The following NALF1 variants were observed in gnomAD, a reference collection of about 807,000 sequenced individuals.
NALF1 encodes the protein NALCN channel auxiliary factor 1.
Under a neutral mutation model 48.4 loss-of-function variants are expected in NALF1, and 3 were observed. The observed-to-expected ratio is 0.06, with a 90% CI of 0.03 to 0.16. The LOEUF is 0.16. Among genes scored for constraint, NALF1 ranks in the 10% least tolerant of loss-of-function variants. The probability of loss-of-function intolerance (pLI) is 1.00; values close to 1 mark genes in which losing one functional copy is unlikely to be tolerated. For synonymous variants in NALF1, 262 were observed against 245.7 expected (o/e 1.07, Z -0.62); for missense variants, 526 against 571.5 (o/e 0.92, Z 0.81).
rs1170217911 is a variant in NALF1 at position 107,272,300 on chromosome 13, C to T, written c.916-61545G>A. Among the ~76,000 whole-genome samples, 68 of 20,758 alleles carry T rather than the reference C, an allele frequency of 3.3e-3. 20 individuals carry two copies. The highest frequency in any genetic ancestry group is 6.5e-3 in the African/African-American group (63 of 9,656). The allele number at this position is 20,758 out of a possible 152,430, so 13.6% of individuals were successfully genotyped here. A position where few individuals can be genotyped will look rare whatever the true frequency, so the allele number is the denominator to read the frequency against. On this transcript the variant is annotated intron_variant, in intron 1 of 2. Coordinates refer to ENST00000375915, the MANE Select transcript of NALF1 (RefSeq NM_001080396.3). ...CGCAATCTCGGCTCACTGCAAGCTC[C>T]GCTTCCCGGGTTCACGCCATTCTCC...
At chr13:107,232,457 C>T (rs1011501537) in intron 1 of NALF1, among the ~76,000 whole-genome samples, 5 of 152,218 alleles carry the variant, frequency 3.3e-5, no homozygotes, top group African/African-American at 1.2e-4. Flanking sequence ...CTCTAAGATT[C>T]GATGTTGATT....
At chr13:107,573,644 C>T (rs1212791454) in intron 1 of NALF1, among the ~76,000 whole-genome samples, 3 of 152,122 alleles carry the variant, frequency 2.0e-5, no homozygotes, top group African/African-American at 7.2e-5. Context: ...CCACCCAAAA[C>T]TCATCTTGAA....
At chr13:107,328,173 C>T (rs371264258) in intron 1 of NALF1, among the ~76,000 whole-genome samples, 1 of 152,040 alleles carries the variant, frequency 6.6e-6, no homozygotes, top group South Asian at 2.1e-4. Context: ...CCACCTCGAC[C>T]TCCCAAAGTG....
chr13:107,705,215 A>C (rs1881917854), intron 1 of NALF1, among the ~76,000 whole-genome samples: 1 of 152,226 alleles, frequency 6.6e-6, no homozygotes. Flanking sequence ...AGCTTTGTCC[A>C]ACGAAGAAGT....
intron 1 of NALF1, among the ~76,000 whole-genome samples, chr13:107,517,921 T>A (rs1876116294): frequency 1.3e-5 from 2 of 152,054 alleles, no homozygotes; most frequent in African/African-American, 2.4e-5. Context: ...CATGTTGCAC[T>A]CCAGCCTGGA....
chr13:107,654,501 T>TA (rs931724416), intron 1 of NALF1, among the ~76,000 whole-genome samples: 42 of 151,676 alleles, frequency 2.8e-4, no homozygotes, highest in African/African-American at 9.7e-4. Context: ...GAAATGGTAA[T>TA]AAAAAAAATT....
intron 1 of NALF1, among the ~76,000 whole-genome samples, chr13:107,502,522 C>T (rs895514882): frequency 3.9e-5 from 6 of 152,192 alleles, no homozygotes; most frequent in Non-Finnish European, 7.3e-5. Flanking sequence ...TGGAAACCAC[C>T]TGTTCCACAT....
chr13:107,443,049 G>C (rs916075288), intron 1 of NALF1, among the ~76,000 whole-genome samples: 6 of 152,072 alleles, frequency 3.9e-5, no homozygotes, highest in Non-Finnish European at 5.9e-5. Context: ...TATTAAGAAG[G>C]CAGCATTTGT....
intron 1 of NALF1, among the ~76,000 whole-genome samples, chr13:107,685,890 CGTGGTGT>C (rs1323190608): frequency 6.6e-6 from 1 of 152,146 alleles, no homozygotes; most frequent in Non-Finnish European, 1.5e-5. Context: ...CTCGGTGTTC[CGTGGTGT>C]GTATGTTGAT....
At chr13:107,684,186 A>G (rs1365370926) in intron 1 of NALF1, among the ~76,000 whole-genome samples, 1 of 152,162 alleles carries the variant, frequency 6.6e-6, no homozygotes, top group African/African-American at 2.4e-5. Flanking sequence ...CCGCAGGAAG[A>G]TTAACCCCCA....
chr13:107,329,907 T>C (rs558428100), intron 1 of NALF1, among the ~76,000 whole-genome samples: 1 of 152,280 alleles, frequency 6.6e-6, no homozygotes, highest in South Asian at 2.1e-4. Context: ...TTGCCTAACT[T>C]TACCTTTTAA....
At chr13:107,648,131 T>C (rs1399671799) in intron 1 of NALF1, among the ~76,000 whole-genome samples, 1 of 152,118 alleles carries the variant, frequency 6.6e-6, no homozygotes, top group Non-Finnish European at 1.5e-5. Flanking sequence ...ACATCTCCCT[T>C]GTTGTCATCT....
chr13:107,573,928 C>T (rs1878061708), intron 1 of NALF1, among the ~76,000 whole-genome samples: 1 of 152,164 alleles, frequency 6.6e-6, no homozygotes, highest in Non-Finnish European at 1.5e-5. Flanking sequence ...TTATAAAGTA[C>T]CCAGTCTTGG....
intron 2 of NALF1, among the ~76,000 whole-genome samples, chr13:107,171,635 TA>T (rs1164263610): frequency 6.6e-6 from 1 of 152,236 alleles, no homozygotes; most frequent in African/African-American, 2.4e-5. Flanking sequence ...ATGCATATTT[TA>T]AAACTTTGGA....
chr13:107,556,208 G>A (rs997959925), intron 1 of NALF1, among the ~76,000 whole-genome samples: 4 of 151,112 alleles, frequency 2.6e-5, no homozygotes, highest in Non-Finnish European at 2.9e-5. Context: ...ACACAGATGT[G>A]GGACTGATAG....
rs186386949 is a variant in NALF1, at chr13:107,163,526, A to G, written c.*6971T>C. On this transcript the variant is annotated 3_prime_UTR_variant, in exon 3 of 3. Coordinates refer to ENST00000375915, the MANE Select transcript of NALF1 (RefSeq NM_001080396.3). ...TAAACAAACTTTAGCAGTGGCCTCT[A>G]TATCTTTTTAATATTTGTATTTTAA... 1.3e-5 allele frequency: 2 copies of G among 152,198 alleles called. No homozygotes were observed. Among genetic ancestry groups the G allele is most frequent in the East Asian group, 1.9e-4 (1 of 5,196 alleles). 9.4% of individuals were successfully genotyped at this position (152,198 alleles called of 1,614,324 possible). A position where few individuals can be genotyped will look rare whatever the true frequency, so the allele number is the denominator to read the frequency against.
intron 1 of NALF1, among the ~76,000 whole-genome samples, chr13:107,326,583 G>A (rs183700943): frequency 6.6e-6 from 1 of 152,302 alleles, no homozygotes; most frequent in East Asian, 1.9e-4. Flanking sequence ...TTTGGACTCA[G>A]CTTCCTTATG....
intron 1 of NALF1, among the ~76,000 whole-genome samples, chr13:107,265,816 TG>T (rs1881027998): frequency 6.6e-6 from 1 of 152,226 alleles, no homozygotes; most frequent in South Asian, 2.1e-4. Flanking sequence ...TGAAATTTTT[TG>T]GTCATTTTTT....
At chr13:107,508,597 A>G (rs1875775948) in intron 1 of NALF1, among the ~76,000 whole-genome samples, 1 of 152,128 alleles carries the variant, frequency 6.6e-6, no homozygotes, top group East Asian at 1.9e-4. Flanking sequence ...CACATTGACA[A>G]TAAAATGCAG....
Sources: allele counts gnomAD v4.1 joint callset (sites outside exome capture counted in the v4.1 genomes callset), GRCh38; gene constraint gnomAD v4.1.1; transcripts MANE v1.5; gene names NCBI Gene and HGNC (gene_info 2026-07-23, HGNC 2026-07-21).